Variants in FASN observed in about 807,000 individuals in gnomAD.
FASN encodes the protein fatty acid synthase, also known as 3-hydroxyacyl-[acyl-carrier-protein] dehydratase.
Under a neutral mutation model 250.0 loss-of-function variants are expected in FASN, and 50 were observed. The ratio of observed to expected loss-of-function variants is 0.20; its 90% CI spans 0.16 to 0.25. The LOEUF is 0.25. Among genes scored for constraint, FASN ranks in the 10% least tolerant of loss-of-function variants. The pLI is 1.00. For synonymous variants in FASN, 1,909 were observed against 1,584.0 expected (o/e 1.21, Z -4.87); for missense variants, 3,031 against 3,498.5 (o/e 0.87, Z 3.37).
chr17:82,080,487 C>A lies in FASN; in HGVS notation c.6930G>T (p.Gly2310=). ...AGCACATTTCAAAGGCCACGCAGGC[C>A]CCGTAGGAGTAGCCGGCCACGCGGT... ...GPYRVAGYSY[G]ACVAFEMCSQ... is the part of the protein sequence containing the mutation. The change falls in exon 40 of 43, where the codon GGG becomes GGT. Residue 2310 remains glycine, a synonymous_variant. Transcript: ENST00000306749. 6.4e-7 allele frequency: 1 copy of A among 1,571,026 alleles called. No individual in the cohort carries two copies. The highest frequency in any genetic ancestry group is 8.6e-7 in the Non-Finnish European group (1 of 1,159,100).
At chr17:82,085,961 G>A in intron 22 of FASN, 90 bp from the exon 23 acceptor site, 2 of 1,400,474 alleles carry the variant, frequency 1.4e-6, no homozygotes, top group Non-Finnish European at 1.9e-6. Flanking sequence ...CCTCAGTCTG[G>A]CAGAAAGGCT....
In FASN at chr17:82,089,091, G is replaced by A. The variant is rs1021454550; in HGVS notation, c.2182C>T (p.Arg728Cys). The A allele has an allele frequency of 9.5e-6, 15 of 1,574,132 alleles. No homozygotes were observed. Among genetic ancestry groups the A allele is most frequent in the Admixed American group, 3.7e-5 (2 of 54,312 alleles). Reference sequence around the variant, plus strand: ...ACATTGTACTCGGCGGAGGACGTGCGTGCCAGGCTGCTGTGCCACTGGGCC... The same window carrying A: ...ACATTGTACTCGGCGGAGGACGTGCATGCCAGGCTGCTGTGCCACTGGGCC... ...PEAQWHSSLARTSSAEYNVNN... is the reference protein window; with the variant it reads ...PEAQWHSSLACTSSAEYNVNN... The change falls in exon 14 of 43, where the codon CGC (arginine) becomes TGC (cysteine). Residue 728 changes from arginine to cysteine, a missense_variant. Physicochemically the swap from Arg to Cys is radical, Grantham distance 180. Transcript: ENST00000306749.
rs376251096 is a variant in FASN, at chr17:82,083,374, G to C, written c.5393C>G (p.Ala1798Gly). The part of the protein sequence containing the change: ...NVTFHGVLLD[A>G]FFNESSADWR... ...GTCAGCACTGCTCTCGTTGAAGAAC[G>C]CATCCAGTAGGACCCCGTGGAATGT... is the stretch of plus-strand genomic sequence containing the variant. The change falls in exon 32 of 43, where the codon GCG (alanine) becomes GGG (glycine). Residue 1798 changes from alanine (A) to glycine (G), a missense_variant. Coordinates refer to ENST00000306749, the MANE Select transcript of FASN (RefSeq NM_004104.5). 6.2e-7 allele frequency: 1 copy of C among 1,612,668 alleles called. No homozygotes were observed. Among genetic ancestry groups the C allele is most frequent in the Non-Finnish European group, 8.5e-7 (1 of 1,180,016 alleles).
intron 4 of FASN, 47 bp from the exon 5 acceptor site, chr17:82,093,466 G>A: frequency 6.3e-7 from 1 of 1,581,548 alleles, no homozygotes. Flanking sequence ...GAGCACACGA[G>A]ACCCCTGAGC....
Position 82,093,611 on chromosome 17 carries a change from G to A in FASN, c.441C>T (p.Phe147=), listed in dbSNP as rs2034253053. 1.9e-6 allele frequency: 3 copies of A among 1,612,692 alleles called. No homozygotes were observed. The highest frequency in any genetic ancestry group is 1.7e-6 in the Non-Finnish European group (2 of 1,179,996). Residue 147 remains phenylalanine, a synonymous_variant, in exon 4 of 43, where the codon TTC becomes TTT. Coordinates refer to ENST00000306749, the MANE Select transcript of FASN (RefSeq NM_004104.5). ...GGCAGGACCCACCTCTGAAGTCGAA[G>A]AAGAAGGAGAGCCGGTTGGCCATCA... ...RAMMANRLSF[F]FDFRGPSIAL...
At chr17:82,096,288 C>T (rs1163194000) in intron 2 of FASN, 31 bp downstream of exon 2, 4 of 1,609,834 alleles carry the variant, frequency 2.5e-6, no homozygotes, top group South Asian at 2.2e-5. Flanking sequence ...AGCTTCACAC[C>T]CCAGGCACGG....
Position 82,091,575 on chromosome 17 carries a change from G to A in FASN, c.1139C>T (p.Pro380Leu), listed in dbSNP as rs913341142. 1 of 1,588,498 alleles carries A rather than the reference G, an allele frequency of 6.3e-7. No individual in the cohort carries two copies. Among genetic ancestry groups the A allele is most frequent in the Non-Finnish European group, 8.6e-7 (1 of 1,169,160 alleles). ...CACGTTGCCGCCACGGACGGGCAGG[G>A]GCTGGTCCACCACCTGCAGCCGCCC... Reference protein sequence around the residue: ...LDGRLQVVDQPLPVRGGNVGI... With the variant: ...LDGRLQVVDQLLPVRGGNVGI... Residue 380 changes from proline to leucine, a missense_variant, in exon 9 of 43, where the codon CCC becomes CTC. Physicochemically the swap from Pro to Leu is moderately conservative, Grantham distance 98. Coordinates refer to ENST00000306749, the MANE Select transcript of FASN (RefSeq NM_004104.5).
At position 82,083,844 on chromosome 17, in the gene FASN, C is replaced by G; in HGVS notation, c.5146G>C (p.Asp1716His). Residue 1716 changes from aspartate (D) to histidine (H), a missense_variant, in exon 30 of 43, where the codon GAC becomes CAC. Transcript: ENST00000306749. The part of the protein sequence containing the change: ...AYLQARFPQL[D>H]STSFANSRDT... Reference sequence around the variant, plus strand: ...CGGGAGTTGGCGAAGCTGGTGCTGTCGAGCTGGGGGAACCTGGCCTGGAGG... The same window carrying G: ...CGGGAGTTGGCGAAGCTGGTGCTGTGGAGCTGGGGGAACCTGGCCTGGAGG... The G allele has an allele frequency of 6.3e-7, 1 of 1,598,450 alleles. No homozygotes were observed. The highest frequency in any genetic ancestry group is 8.5e-7 in the Non-Finnish European group (1 of 1,173,602).
In FASN at chr17:82,090,889, G is replaced by C; in HGVS notation, c.1673C>G (p.Ala558Gly). 1 of 1,587,494 alleles carries C rather than the reference G, an allele frequency of 6.3e-7. No homozygotes were observed. The highest frequency in any genetic ancestry group is 8.6e-7 in the Non-Finnish European group (1 of 1,168,030). Residue 558 changes from alanine to glycine, a missense_variant, in exon 10 of 43, where the codon GCC (alanine) becomes GGC (glycine). Coordinates refer to ENST00000306749, the MANE Select transcript of FASN (RefSeq NM_004104.5). ...TGGCAGGCTGGGCCCTACCTGGATG[G>C]CAGTCAGGCTCACAAACGAATGGAC... ...DIVHSFVSLT[A>G]IQIGLIDLLS...
In FASN at chr17:82,080,872, G is replaced by T. The variant is rs756394831; in HGVS notation, c.6646C>A (p.Gln2216Lys). 2 of 1,611,380 alleles carry T rather than the reference G, an allele frequency of 1.2e-6. No homozygotes were observed. Among genetic ancestry groups the T allele is most frequent in the South Asian group, 1.1e-5 (1 of 90,734 alleles). Residue 2216 changes from glutamine to lysine, a missense_variant, in exon 39 of 43, where the codon CAG becomes AAG. By Grantham distance (53) the Gln-to-Lys change is moderately conservative (BLOSUM62 1). Coordinates refer to ENST00000306749, the MANE Select transcript of FASN (RefSeq NM_004104.5). ...KEDGLAQQQTQLNLRSLLVNP... is the reference protein window; with the variant it reads ...KEDGLAQQQTKLNLRSLLVNP... ...ACCAGCAGGGAGCGCAGGTTCAGCT[G>T]AGTCTGCTGCTGGGCCAGACCATCC...
At chr17:82,080,318 G>T (rs1352247065) in intron 40 of FASN, 52 bp downstream of exon 40, 13 of 1,609,978 alleles carry the variant, frequency 8.1e-6, no homozygotes, top group Admixed American at 5.0e-5. Flanking sequence ...CAGGGCACAG[G>T]TGGGGAGCCC....
chr17:82,097,993 A>C (rs535622029), intron 1 of FASN, 128 bp downstream of exon 1: 1 of 292,894 alleles, frequency 3.4e-6, no homozygotes, highest in African/African-American at 2.2e-5. Flanking sequence ...CGCCCAGGCG[A>C]CCCCTGGATA....
chr17:82,096,026 C>T (rs774526386), intron 2 of FASN, among the ~76,000 whole-genome samples: 43 of 152,250 alleles, frequency 2.8e-4, no homozygotes, highest in Admixed American at 1.3e-3. Flanking sequence ...ATGGGCCCTG[C>T]CTGGGCCAGC....
At chr17:82,095,574 G>T in intron 2 of FASN, 102 bp from the exon 3 acceptor site, 1 of 1,419,068 alleles carries the variant, frequency 7.0e-7, no homozygotes, top group Non-Finnish European at 9.7e-7. Context: ...TGGAACTGAG[G>T]ACTCTCTGCT....
At position 82,087,516 on chromosome 17, in the gene FASN, G is replaced by A; in HGVS notation, c.3044-12C>T. 1.9e-6 allele frequency: 3 copies of A among 1,611,624 alleles called. No homozygotes were observed. Among genetic ancestry groups the A allele is most frequent in the South Asian group, 1.1e-5 (1 of 91,078 alleles). ...CCTCCCCGAGTCACCTGCACACAGG[G>A]CCTGGTTGGTGCTGTGGAACTCCCA... On this transcript the variant is annotated splice_polypyrimidine_tract_variant and intron_variant, in intron 19 of 42. Coordinates refer to ENST00000306749, the MANE Select transcript of FASN (RefSeq NM_004104.5).
chr17:82,085,614 G>A lies in FASN; in HGVS notation c.3990C>T (p.Ser1330=). ...CTTCTCTCAGGGCAGCCACCATGTT[G>A]CTGAGAGCTGAGGCCGGGTCCCCGA... ...AALGDPASAL[S]NMVAALREGG... is the part of the protein sequence containing the mutation. Residue 1330 remains serine (S), a synonymous_variant, in exon 23 of 43, where the codon AGC becomes AGT. Transcript: ENST00000306749. 1 of 1,599,538 alleles carries A rather than the reference G, an allele frequency of 6.3e-7. No homozygotes were observed. Among genetic ancestry groups the A allele is most frequent in the Non-Finnish European group, 8.5e-7 (1 of 1,173,910 alleles).
Position 82,083,548 on chromosome 17 carries a change from G to C in FASN, c.5310C>G (p.Gly1770=). The C allele has an allele frequency of 1.2e-6, 2 of 1,612,834 alleles. No individual in the cohort carries two copies. The highest frequency in any genetic ancestry group is 1.7e-6 in the Non-Finnish European group (2 of 1,179,998). Residue 1770 remains glycine (G), a synonymous_variant, in exon 31 of 43, where the codon GGC becomes GGG. Coordinates refer to ENST00000306749, the MANE Select transcript of FASN (RefSeq NM_004104.5). ...LATHGRFLEI[G]KFDLSQNHPL... Reference sequence around the variant, plus strand: ...GGTGGTTCTGAGAAAGGTCGAATTTGCCAATTTCCAGGAAGCGACCGTGCG... The same window carrying C: ...GGTGGTTCTGAGAAAGGTCGAATTTCCCAATTTCCAGGAAGCGACCGTGCG...
rs781447218 is a variant in FASN at position 82,090,502 on chromosome 17, G to A, written c.1743C>T (p.Ser581=). 2 of 1,611,456 alleles carry A rather than the reference G, an allele frequency of 1.2e-6. No homozygotes were observed. Among genetic ancestry groups the A allele is most frequent in the South Asian group, 2.2e-5 (2 of 90,866 alleles). The change falls in exon 11 of 43, where the codon TCC becomes TCT. Residue 581 remains serine (S), a synonymous_variant. Transcript: ENST00000306749. ...GLRPDGIVGH[S]LGEVACGYAD... The stretch of plus-strand genomic sequence containing the variant: ...CGTAGCCACAGGCCACCTCCCCCAG[G>A]GAGTGGCCGACGATGCCATCTGGCC...
chr17:82,095,540 T>C, intron 2 of FASN, 68 bp from the exon 3 acceptor site: 1 of 1,583,090 alleles, frequency 6.3e-7, no homozygotes, highest in South Asian at 1.1e-5. Context: ...TGTGGGGTGC[T>C]GCAGGCCCCT....
Sources: allele counts gnomAD v4.1 joint callset (sites outside exome capture counted in the v4.1 genomes callset), GRCh38; gene constraint gnomAD v4.1.1; transcripts MANE v1.5; gene names NCBI Gene and HGNC (gene_info 2026-07-23, HGNC 2026-07-21).